The following WWOX variants were observed in gnomAD, a reference collection of about 807,000 sequenced individuals.
WWOX encodes WW domain containing oxidoreductase, also known as WW domain-containing oxidoreductase.
WWOX carries 69 observed loss-of-function variants against 46.2 expected under a neutral mutation model. The observed-to-expected ratio is 1.49, with a 90% confidence interval of 1.23 to 1.82. WWOX has a LOEUF of 1.82. WWOX is among the 40% of genes most tolerant of loss of function. WWOX has a pLI of 0.00. For synonymous variants in WWOX, 359 were observed against 202.6 expected, an observed-to-expected ratio of 1.77 and a Z score of -6.56; for missense variants, 919 against 542.6, an observed-to-expected ratio of 1.69 and a Z score of -6.89.
intron 8 of WWOX, among the ~76,000 whole-genome samples, chr16:78,965,378 G>A (rs1321823944): frequency 1.3e-5 from 2 of 152,064 alleles, no homozygotes; most frequent in East Asian, 1.9e-4. Flanking sequence ...AGACTAGCCT[G>A]GTCAACATGG....
intron 5 of WWOX, among the ~76,000 whole-genome samples, chr16:78,192,800 T>C (rs1258998266): frequency 6.6e-6 from 1 of 152,248 alleles, no homozygotes; most frequent in Non-Finnish European, 1.5e-5. Context: ...AGTGCTGTTA[T>C]AGTTGAATGT....
chr16:78,609,771 G>T (rs554500012), intron 8 of WWOX, among the ~76,000 whole-genome samples: 1 of 152,328 alleles, frequency 6.6e-6, no homozygotes, highest in East Asian at 1.9e-4. Context: ...CAAAGTACAG[G>T]AAGCTATACC....
chr16:78,487,449 T>A (rs1029772742), intron 8 of WWOX, among the ~76,000 whole-genome samples: 19 of 152,294 alleles, frequency 1.2e-4, no homozygotes, highest in African/African-American at 4.6e-4. Flanking sequence ...TTACTAATGT[T>A]CCGTCTTTGC....
At chr16:78,313,480 C>A (rs936001967) in intron 5 of WWOX, among the ~76,000 whole-genome samples, 6 of 152,176 alleles carry the variant, frequency 3.9e-5, no homozygotes, top group African/African-American at 1.2e-4. Context: ...ATTCTCCTGC[C>A]TTGGCCCCTG....
At chr16:78,305,535 C>A (rs911610919) in intron 5 of WWOX, among the ~76,000 whole-genome samples, 4 of 152,066 alleles carry the variant, frequency 2.6e-5, no homozygotes, top group Non-Finnish European at 4.4e-5. Flanking sequence ...AAGCCCAGAT[C>A]CCGTGAACTG....
intron 4 of WWOX, among the ~76,000 whole-genome samples, chr16:78,162,983 C>G (rs2034845985): frequency 6.6e-6 from 1 of 152,094 alleles, no homozygotes; most frequent in Admixed American, 6.6e-5. Context: ...AATTCCCTGG[C>G]AAAATTCTCC....
At chr16:78,619,287 C>T (rs183312826) in intron 8 of WWOX, among the ~76,000 whole-genome samples, 1 of 121,686 alleles carries the variant, frequency 8.2e-6, no homozygotes, top group Non-Finnish European at 1.7e-5. Flanking sequence ...TCGCTTGAAC[C>T]TGGGAGTCGG....
chr16:78,899,836 G>C (rs2044784819), intron 8 of WWOX, among the ~76,000 whole-genome samples: 1 of 152,134 alleles, frequency 6.6e-6, no homozygotes, highest in Non-Finnish European at 1.5e-5. Flanking sequence ...GGTCTGTTTT[G>C]TTCCACTGGC....
chr16:78,938,071 G>C (rs2045778606), intron 8 of WWOX, among the ~76,000 whole-genome samples: 1 of 152,192 alleles, frequency 6.6e-6, no homozygotes, highest in Admixed American at 6.5e-5. Context: ...TGGGCAGCCA[G>C]CAGCAGGGCT....
chr16:78,611,465 A>G lies in WWOX; in HGVS notation c.1056+178713A>G, dbSNP rs372228775. 5.3e-4 allele frequency among the ~76,000 whole-genome samples: 81 copies of G among 152,284 alleles called. No individual in the cohort carries two copies. In the East Asian group the frequency reaches 9.3e-3, roughly 17 times the overall value. On this transcript the variant is annotated intron_variant, in intron 8 of 8. Transcript: ENST00000566780. ...TATTGTGTGAAATGAGCCTGGTCAT[A>G]TGACTGCCCTGCCTCCCTGGAGGCC...
At chr16:79,048,387 T>C (rs1472105450) in intron 8 of WWOX, among the ~76,000 whole-genome samples, 1 of 151,986 alleles carries the variant, frequency 6.6e-6, no homozygotes, top group Non-Finnish European at 1.5e-5. Flanking sequence ...ATTACCCCCA[T>C]TTTCTGCTTG....
intron 8 of WWOX, among the ~76,000 whole-genome samples, chr16:78,507,865 G>A (rs952506817): frequency 2.0e-5 from 3 of 152,122 alleles, no homozygotes; most frequent in Admixed American, 6.5e-5. Flanking sequence ...CATGGCCCCC[G>A]GGTCGCATGT....
intron 8 of WWOX, among the ~76,000 whole-genome samples, chr16:78,607,214 C>T (rs898020362): frequency 2.0e-5 from 3 of 151,968 alleles, no homozygotes; most frequent in African/African-American, 7.2e-5. Context: ...ATTATAAAAA[C>T]ATTAATTACT....
chr16:78,742,197 G>T (rs558697254), intron 8 of WWOX, among the ~76,000 whole-genome samples: 2 of 152,298 alleles, frequency 1.3e-5, no homozygotes, highest in African/African-American at 4.8e-5. Context: ...ATAAATCAGT[G>T]TACAAATACT....
chr16:78,907,498 G>A (rs2044997039), intron 8 of WWOX, among the ~76,000 whole-genome samples: 1 of 152,138 alleles, frequency 6.6e-6, no homozygotes, highest in South Asian at 2.1e-4. Context: ...GTTTAGTTTG[G>A]GGGTAGGGCC....
At chr16:78,666,730 C>T (rs530406325) in intron 8 of WWOX, among the ~76,000 whole-genome samples, 4 of 152,184 alleles carry the variant, frequency 2.6e-5, no homozygotes, top group African/African-American at 9.7e-5. Context: ...GTTCCATCTG[C>T]CTCTTTCCTA....
At chr16:78,327,478 T>A (rs1360066222) in intron 5 of WWOX, among the ~76,000 whole-genome samples, 2 of 152,138 alleles carry the variant, frequency 1.3e-5, no homozygotes, top group Non-Finnish European at 2.9e-5. Flanking sequence ...CACAGAAGGC[T>A]TCTGTGAGAA....
intron 8 of WWOX, among the ~76,000 whole-genome samples, chr16:78,454,485 GTGTT>G (rs796637163): frequency 6.9e-6 from 1 of 145,824 alleles, no homozygotes; most frequent in African/African-American, 2.6e-5. Flanking sequence ...TTGTGTTTTT[GTGTT>G]TTTGTTTGTT....
chr16:78,406,758 C>A (rs1343288730), intron 6 of WWOX, among the ~76,000 whole-genome samples: 1 of 151,838 alleles, frequency 6.6e-6, no homozygotes, highest in South Asian at 2.1e-4. Flanking sequence ...TCCCCAGTAG[C>A]TGGGATTACA....
Sources: gnomAD v4.1 joint callset for allele counts (sites outside exome capture counted in the v4.1 genomes callset) on GRCh38, gnomAD v4.1.1 for gene constraint, MANE v1.5 for transcripts, NCBI Gene and HGNC (gene_info 2026-07-23, HGNC 2026-07-21) for gene names.